Variants in SMAD2 observed in about 807,000 individuals in gnomAD.
SMAD2 encodes MAD homolog 2.
Under a neutral mutation model 64.4 loss-of-function variants are expected in SMAD2, and 8 were observed. That is an observed-to-expected ratio of 0.12 (90% confidence interval 0.07 to 0.22). SMAD2 has a LOEUF of 0.22. Among genes scored for constraint, SMAD2 ranks in the 10% least tolerant of loss-of-function variants. SMAD2 has a pLI of 1.00. For synonymous variants in SMAD2, 203 were observed against 195.8 expected (o/e 1.04, Z -0.31); for missense variants, 289 against 561.2 (o/e 0.51, Z 4.90).
At chr18:47,845,064 A>G (rs963082925) in intron 10 of SMAD2, 4 of 585,006 alleles carry the variant, frequency 6.8e-6, no homozygotes, top group Middle Eastern at 4.5e-4. Context: ...CCTTCCATAA[A>G]CTGACATAAC....
chr18:47,867,029 A>T (rs2144368280), intron 5 of SMAD2: 1 of 152,308 alleles, frequency 6.6e-6, no homozygotes, highest in East Asian at 1.9e-4. Flanking sequence ...TAATTCCCAC[A>T]CTAACGACTT....
rs192828331 is a variant in SMAD2 at position 47,924,905 on chromosome 18, T to C, written c.-54+5456A>G. Among the ~76,000 whole-genome samples the C allele has an allele frequency of 8.7e-4, 133 of 152,348 alleles. 2 individuals carry two copies. The highest frequency in any genetic ancestry group is 5.9e-3 in the Admixed American group (91 of 15,310). ...TGAAAATGTAGTTTACTTTTAAACA[T>C]AGGCAAACTATAAGATCACAGATTC... On this transcript the variant is annotated intron_variant, in intron 1 of 10. Coordinates refer to ENST00000262160, the MANE Select transcript of SMAD2 (RefSeq NM_005901.6).
At chr18:47,882,673 G>A (rs2032676623) in intron 2 of SMAD2, among the ~76,000 whole-genome samples, 1 of 152,108 alleles carries the variant, frequency 6.6e-6, no homozygotes, top group South Asian at 2.1e-4. Context: ...ACATTTTTCT[G>A]AGTTTATTGT....
At chr18:47,870,453 C>T (rs773257213) in intron 3 of SMAD2, 22 bp downstream of exon 3, 12 of 1,560,196 alleles carry the variant, frequency 7.7e-6, no homozygotes, top group South Asian at 5.6e-5. Context: ...CTCTAAGATT[C>T]GACAGAGGGC....
At chr18:47,904,251 G>A (rs1007029434) in intron 1 of SMAD2, among the ~76,000 whole-genome samples, 1 of 149,060 alleles carries the variant, frequency 6.7e-6, no homozygotes, top group African/African-American at 2.5e-5. Flanking sequence ...CATCTCGTAT[G>A]AAGCAAATGC....
At chr18:47,872,558 G>C (rs981965399) in intron 2 of SMAD2, among the ~76,000 whole-genome samples, 3 of 152,040 alleles carry the variant, frequency 2.0e-5, no homozygotes, top group African/African-American at 7.2e-5. Context: ...GACTGATACC[G>C]GTCCACGGCC....
intron 2 of SMAD2, among the ~76,000 whole-genome samples, chr18:47,874,387 G>GTT (rs1417964887): frequency 1.3e-5 from 2 of 152,102 alleles, no homozygotes; most frequent in East Asian, 3.8e-4. Flanking sequence ...AAAAACAACA[G>GTT]TAATTGTTTC....
At chr18:47,903,520 T>C (rs1393207895) in intron 1 of SMAD2, among the ~76,000 whole-genome samples, 1 of 152,170 alleles carries the variant, frequency 6.6e-6, no homozygotes, top group Non-Finnish European at 1.5e-5. Flanking sequence ...TGGACCATTT[T>C]CTAAAAGTAA....
intron 1 of SMAD2, among the ~76,000 whole-genome samples, chr18:47,920,993 AAAAATTTT>A (rs1169138771): frequency 5.3e-5 from 8 of 152,160 alleles, no homozygotes; most frequent in Non-Finnish European, 8.8e-5. Context: ...CACCTCTACA[AAAAATTTT>A]AAAAATTAGC....
intron 6 of SMAD2, among the ~76,000 whole-genome samples, chr18:47,864,004 C>T (rs146944639): frequency 5.3e-5 from 8 of 152,104 alleles, no homozygotes; most frequent in African/African-American, 1.4e-4. Context: ...TGGTTTATGA[C>T]GTTCAGTATC....
At chr18:47,880,127 T>C (rs945282758) in intron 2 of SMAD2, among the ~76,000 whole-genome samples, 1 of 152,234 alleles carries the variant, frequency 6.6e-6, no homozygotes, top group Non-Finnish European at 1.5e-5. Context: ...TTTAACAATG[T>C]ATTTTAATAA....
At chr18:47,843,893 T>C (rs1250083873) in intron 10 of SMAD2, among the ~76,000 whole-genome samples, 2 of 152,220 alleles carry the variant, frequency 1.3e-5, no homozygotes, top group East Asian at 3.8e-4. Context: ...ACACATGGAA[T>C]TCTCTCTGTA....
intron 7 of SMAD2, 74 bp from the exon 8 acceptor site, chr18:47,848,761 T>C (rs528799583): frequency 4.7e-6 from 5 of 1,053,620 alleles, no homozygotes; most frequent in Non-Finnish European, 7.0e-6. Context: ...ATAGATTTAA[T>C]ATAATCATCT....
At position 47,910,477 on chromosome 18, in the gene SMAD2, G is replaced by C. The variant is rs538112446; in HGVS notation, c.-53-13668C>G. Among the ~76,000 whole-genome samples, 6 of 152,324 alleles carry C rather than the reference G, an allele frequency of 3.9e-5. No homozygotes were observed. In the South Asian group the frequency reaches 1.2e-3, roughly 32 times the overall value. On this transcript the variant is annotated intron_variant, in intron 1 of 10. Transcript: ENST00000262160. ...GGGCACTGAAACTAAAGCAAAAGGT[G>C]TAAGGAGGACTGGTACCACACAGAA...
rs973691758 is a variant in SMAD2, at chr18:47,912,413, A to G, written c.-53-15604T>C. On this transcript the variant is annotated intron_variant, in intron 1 of 10. Coordinates refer to ENST00000262160, the MANE Select transcript of SMAD2 (RefSeq NM_005901.6). ...GGCATGTAATGGTACATTCATCACT[A>G]TTAGGAATGAGGAAAGAGAAGCAAC... 11 of 152,344 alleles carry G rather than the reference A, an allele frequency of 7.2e-5. 1 individual carries two copies. Among genetic ancestry groups the G allele is most frequent in the Admixed American group, 5.9e-4 (9 of 15,302 alleles). 9.4% of individuals were successfully genotyped at this position (152,344 alleles called of 1,614,324 possible).
At chr18:47,909,794 T>C (rs2034049740) in intron 1 of SMAD2, among the ~76,000 whole-genome samples, 1 of 152,214 alleles carries the variant, frequency 6.6e-6, no homozygotes, top group Non-Finnish European at 1.5e-5. Context: ...TTTAAAGTTC[T>C]TTTGACATTG....
intron 1 of SMAD2, among the ~76,000 whole-genome samples, chr18:47,914,209 A>G (rs1046366648): frequency 2.0e-5 from 3 of 152,238 alleles, no homozygotes; most frequent in Non-Finnish European, 4.4e-5. Flanking sequence ...ATGTATTACA[A>G]AAAAATCTCC....
At chr18:47,920,963 T>C (rs902395279) in intron 1 of SMAD2, among the ~76,000 whole-genome samples, 4 of 152,160 alleles carry the variant, frequency 2.6e-5, no homozygotes, top group Admixed American at 6.5e-5. Context: ...AAGACAAATC[T>C]AGGCAACATG....
intron 2 of SMAD2, among the ~76,000 whole-genome samples, chr18:47,889,728 G>A (rs1454579739): frequency 2.0e-5 from 3 of 149,940 alleles, no homozygotes; most frequent in Non-Finnish European, 4.4e-5. Context: ...CCGACATCAC[G>A]CCACTGCACT....
Sources: gnomAD v4.1 joint callset for allele counts (sites outside exome capture counted in the v4.1 genomes callset) on GRCh38, gnomAD v4.1.1 for gene constraint, MANE v1.5 for transcripts, NCBI Gene and HGNC (gene_info 2026-07-23, HGNC 2026-07-21) for gene names.